FAT4: variants seen among roughly 807,000 people sequenced by gnomAD.
FAT4 encodes the protein FAT atypical cadherin 4, also known as protocadherin Fat 4.
A neutral mutation model predicts 303.9 loss-of-function variants in FAT4; 84 were observed. That is an observed-to-expected ratio of 0.28 (90% CI 0.23 to 0.33). The LOEUF (loss-of-function observed/expected upper bound fraction) is 0.33. FAT4 is among the 10% of genes least tolerant of loss of function. The probability of loss-of-function intolerance (pLI) is 1.00; values close to 1 mark genes in which losing one functional copy is unlikely to be tolerated. For synonymous variants in FAT4, 2,307 were observed against 2,298.8 expected (o/e 1.00, Z -0.10); for missense variants, 6,005 against 6,146.8 (o/e 0.98, Z 0.77).
At chr4:125,464,287 C>A (rs1198690094) in intron 11 of FAT4, among the ~76,000 whole-genome samples, 1 of 152,040 alleles carries the variant, frequency 6.6e-6, no homozygotes, top group African/African-American at 2.4e-5. Context: ...TATTTATTCA[C>A]CCTAGTGGAA....
intron 16 of FAT4, among the ~76,000 whole-genome samples, chr4:125,482,982 C>T (rs543880967): frequency 2.0e-4 from 31 of 152,272 alleles, no homozygotes; most frequent in South Asian, 1.7e-3. Context: ...TCAATTGTCA[C>T]GGTTAGGAGT....
intron 3 of FAT4, among the ~76,000 whole-genome samples, chr4:125,401,688 C>G (rs1321249274): frequency 1.3e-5 from 2 of 151,824 alleles, no homozygotes; most frequent in African/African-American, 4.8e-5. Flanking sequence ...TGTGTTGGAT[C>G]AAGATTTACA....
intron 3 of FAT4, among the ~76,000 whole-genome samples, chr4:125,404,615 C>T (rs1734516654): frequency 6.6e-6 from 1 of 152,038 alleles, no homozygotes; most frequent in Admixed American, 6.6e-5. Flanking sequence ...TAAAAGATTT[C>T]TAAATGTACA....
In FAT4 at chr4:125,320,061, C is replaced by G; in HGVS notation, c.3650C>G (p.Ala1217Gly). The change falls in exon 2 of 18, where the codon GCT becomes GGT. Residue 1217 changes from alanine (A) to glycine (G), a missense_variant. Physicochemically the swap from Ala to Gly is moderately conservative, Grantham distance 60. Coordinates refer to ENST00000394329, the MANE Select transcript of FAT4 (RefSeq NM_001291303.3). Reference sequence around the variant, plus strand: ...AAATTTTTAAAAGACTTTTACCAAGCTACAATATCAGAATCAGCAGCCAAT... The same window carrying G: ...AAATTTTTAAAAGACTTTTACCAAGGTACAATATCAGAATCAGCAGCCAAT... The part of the protein sequence containing the change: ...APKFLKDFYQ[A>G]TISESAANLT... 1 of 1,613,752 alleles carries G rather than the reference C, an allele frequency of 6.2e-7. No individual in the cohort carries two copies. The highest frequency in any genetic ancestry group is 8.5e-7 in the Non-Finnish European group (1 of 1,179,888).
intron 7 of FAT4, among the ~76,000 whole-genome samples, chr4:125,424,808 G>A (rs1209722800): frequency 6.6e-6 from 1 of 152,182 alleles, no homozygotes; most frequent in Admixed American, 6.5e-5. Context: ...TGGCGAGAGA[G>A]TGTTAAGTAC....
intron 17 of FAT4, among the ~76,000 whole-genome samples, chr4:125,488,832 TA>T (rs1467126721): frequency 1.3e-5 from 2 of 152,138 alleles, no homozygotes; most frequent in Non-Finnish European, 2.9e-5. Context: ...TGTGATCACC[TA>T]ACATGAGGGC....
intron 2 of FAT4, among the ~76,000 whole-genome samples, chr4:125,324,852 T>G (rs1278798581): frequency 1.3e-5 from 2 of 152,194 alleles, no homozygotes; most frequent in African/African-American, 4.8e-5. Flanking sequence ...TGTTAATTCA[T>G]TTTAAAACTA....
chr4:125,426,135 G>T (rs1725079155), intron 7 of FAT4, among the ~76,000 whole-genome samples: 1 of 151,954 alleles, frequency 6.6e-6, no homozygotes, highest in Admixed American at 6.6e-5. Flanking sequence ...ATTATAAATG[G>T]CTCTGTAATC....
chr4:125,322,703 T>C (rs1354838640), intron 2 of FAT4, among the ~76,000 whole-genome samples: 3 of 151,760 alleles, frequency 2.0e-5, no homozygotes, highest in Non-Finnish European at 4.4e-5. Flanking sequence ...GTGGGGATTT[T>C]CTTTATTTTA....
intron 7 of FAT4, among the ~76,000 whole-genome samples, chr4:125,430,413 A>T (rs1224146708): frequency 2.0e-5 from 3 of 152,230 alleles, no homozygotes; most frequent in East Asian, 1.9e-4. Flanking sequence ...AACAAGCAAG[A>T]TGTTGTAGTG....
In FAT4 at chr4:125,450,533, G is replaced by A; in HGVS notation, c.9523G>A (p.Ala3175Thr). The A allele has an allele frequency of 6.2e-7, 1 of 1,614,142 alleles. No individual in the cohort carries two copies. Residue 3175 changes from alanine to threonine, a missense_variant, in exon 10 of 18, where the codon GCA becomes ACA. Physicochemically the swap from Ala to Thr is moderately conservative, Grantham distance 58 (BLOSUM62 0). Coordinates refer to ENST00000394329, the MANE Select transcript of FAT4 (RefSeq NM_001291303.3). ...TISAIDGGWV[A>T]RTGYCSVTVN... ...TAGTGCTATAGATGGAGGATGGGTT[G>A]CAAGAACTGGTTACTGCAGTGTGAC...
At chr4:125,343,142 T>C (rs141743007) in intron 2 of FAT4, among the ~76,000 whole-genome samples, 176 of 152,282 alleles carry the variant, frequency 1.2e-3, no homozygotes, top group Non-Finnish European at 1.7e-3. Context: ...TAGTGGTTTT[T>C]ATAAGGCCTC....
intron 16 of FAT4, among the ~76,000 whole-genome samples, chr4:125,482,765 G>A (rs929063527): frequency 4.6e-4 from 70 of 152,068 alleles, no homozygotes; most frequent in African/African-American, 1.5e-3. Flanking sequence ...AAAAATAGAT[G>A]TTCACTTCTA....
chr4:125,374,965 A>G (rs180729750), intron 2 of FAT4, among the ~76,000 whole-genome samples: 2 of 152,354 alleles, frequency 1.3e-5, no homozygotes, highest in Admixed American at 1.3e-4. Context: ...GTAAGTTGCC[A>G]AATATGATAT....
At chr4:125,378,275 G>A (rs1487917269) in intron 2 of FAT4, among the ~76,000 whole-genome samples, 1 of 152,042 alleles carries the variant, frequency 6.6e-6, no homozygotes, top group Admixed American at 6.5e-5. Flanking sequence ...TAAAATGTAA[G>A]GTACATGAAA....
At chr4:125,440,110 T>C (rs1037487391) in intron 8 of FAT4, among the ~76,000 whole-genome samples, 1 of 152,192 alleles carries the variant, frequency 6.6e-6, no homozygotes, top group African/African-American at 2.4e-5. Context: ...ACTCCTAATA[T>C]ATTCTTTCTT....
chr4:125,375,497 G>T (rs992570448), intron 2 of FAT4, among the ~76,000 whole-genome samples: 1 of 152,166 alleles, frequency 6.6e-6, no homozygotes, highest in East Asian at 1.9e-4. Flanking sequence ...AAACTACTTG[G>T]ATACCCTGGT....
At chr4:125,372,328 C>T (rs1414786436) in intron 2 of FAT4, among the ~76,000 whole-genome samples, 1 of 150,070 alleles carries the variant, frequency 6.7e-6, no homozygotes, top group African/African-American at 2.5e-5. Flanking sequence ...TGCCACTGCC[C>T]TCCAGCCTGG....
intron 8 of FAT4, among the ~76,000 whole-genome samples, chr4:125,443,068 G>A (rs1725711823): frequency 6.6e-6 from 1 of 152,106 alleles, no homozygotes; most frequent in South Asian, 2.1e-4. Flanking sequence ...AGTGAACTAT[G>A]TTCTAAAGTC....
Sources: allele counts gnomAD v4.1 joint callset (sites outside exome capture counted in the v4.1 genomes callset), GRCh38; gene constraint gnomAD v4.1.1; transcripts MANE v1.5; gene names NCBI Gene and HGNC (gene_info 2026-07-23, HGNC 2026-07-21).